Variants in KIAA1328 observed in about 807,000 individuals in gnomAD.
The protein encoded by KIAA1328 is KIAA1328.
Under a neutral mutation model 68.1 loss-of-function variants are expected in KIAA1328, and 52 were observed. That is an observed-to-expected ratio of 0.76 (90% CI 0.61 to 0.96). The LOEUF is 0.96. Ranked by LOEUF, KIAA1328 falls within the 40% of genes least tolerant of loss-of-function variation. The pLI is 0.00. For missense variants in KIAA1328, 641 were observed against 677.6 expected, an observed-to-expected ratio of 0.95 and a Z score of 0.60; for synonymous variants, 232 against 239.4, an observed-to-expected ratio of 0.97 and a Z score of 0.28.
chr18:36,846,724 C>G (rs2047041902), intron 4 of KIAA1328, among the ~76,000 whole-genome samples: 1 of 151,444 alleles, frequency 6.6e-6, no homozygotes, highest in South Asian at 2.1e-4. Flanking sequence ...ACAGTATATA[C>G]TCTTTTACTG....
intron 6 of KIAA1328, among the ~76,000 whole-genome samples, chr18:37,028,535 G>A (rs2054689904): frequency 6.7e-6 from 1 of 150,128 alleles, no homozygotes; most frequent in Admixed American, 6.7e-5. Flanking sequence ...TTGCCTGATT[G>A]CTCTGGCTAG....
At chr18:36,888,094 T>A (rs564550271) in intron 5 of KIAA1328, among the ~76,000 whole-genome samples, 38 of 152,320 alleles carry the variant, frequency 2.5e-4, no homozygotes, top group African/African-American at 7.0e-4. Flanking sequence ...GAATGGTTTC[T>A]TTTGTCAGGC....
At chr18:36,927,788 G>A (rs533898167) in intron 5 of KIAA1328, among the ~76,000 whole-genome samples, 1 of 150,828 alleles carries the variant, frequency 6.6e-6, no homozygotes, top group East Asian at 2.0e-4. Flanking sequence ...AAAGAAATGA[G>A]TGGGGTGGAA....
chr18:36,926,632 G>T (rs1311439358), intron 5 of KIAA1328, among the ~76,000 whole-genome samples: 1 of 152,046 alleles, frequency 6.6e-6, no homozygotes, highest in East Asian at 1.9e-4. Flanking sequence ...TAGAAGATAG[G>T]TATTAAGGTC....
Position 36,909,402 on chromosome 18 carries a change from C to T in KIAA1328, c.448+23730C>T, listed in dbSNP as rs148667282. On this transcript the variant is annotated intron_variant, in intron 5 of 9. Transcript: ENST00000280020. ...GTGGTGTTTGGTTTTTTTGTCCCTG[C>T]GATAGTTTGCTGAGAATGATGGTTT... Among the ~76,000 whole-genome samples, 348 of 151,746 alleles carry T rather than the reference C, an allele frequency of 2.3e-3. 2 individuals are homozygous for T. Among genetic ancestry groups the T allele is most frequent in the African/African-American group, 7.2e-3 (300 of 41,394 alleles).
chr18:36,841,012 C>T (rs962769137), intron 3 of KIAA1328, among the ~76,000 whole-genome samples: 3 of 152,092 alleles, frequency 2.0e-5, no homozygotes, highest in Non-Finnish European at 4.4e-5. Context: ...CTAGGAAGAA[C>T]CTCAGACTTC....
chr18:36,847,741 A>G (rs538495923), intron 4 of KIAA1328, among the ~76,000 whole-genome samples: 1 of 151,624 alleles, frequency 6.6e-6, no homozygotes, highest in African/African-American at 2.4e-5. Flanking sequence ...GGATCTTGAC[A>G]AAGTTCAGTT....
intron 5 of KIAA1328, chr18:36,902,185 C>T (rs1335152444): frequency 1.3e-5 from 2 of 151,774 alleles, no homozygotes. Flanking sequence ...TCCAGCCTCA[C>T]TTAGAAGTGA....
Position 37,074,471 on chromosome 18 carries a change from T to A in KIAA1328, c.1232+6926T>A, listed in dbSNP as rs1599164998. Among the ~76,000 whole-genome samples, 3 of 152,326 alleles carry A rather than the reference T, an allele frequency of 2.0e-5. No homozygotes were observed. The East Asian group carries it at 5.8e-4, about 29-fold the overall frequency. On this transcript the variant is annotated intron_variant, in intron 7 of 9. Transcript: ENST00000280020. Reference sequence around the variant, plus strand: ...TGGTCTTTTCACACAGTCCCATATTTCTTGGAGGCTTTGTTCATTTCCTTT... The same window carrying A: ...TGGTCTTTTCACACAGTCCCATATTACTTGGAGGCTTTGTTCATTTCCTTT...
At chr18:37,016,356 A>G (rs1040251083) in intron 6 of KIAA1328, among the ~76,000 whole-genome samples, 28 of 152,238 alleles carry the variant, frequency 1.8e-4, no homozygotes, top group Admixed American at 5.2e-4. Flanking sequence ...CTACTTGATC[A>G]TAGTGAATTA....
At chr18:36,966,772 C>T (rs2051956357) in intron 6 of KIAA1328, among the ~76,000 whole-genome samples, 1 of 152,084 alleles carries the variant, frequency 6.6e-6, no homozygotes, top group Non-Finnish European at 1.5e-5. Flanking sequence ...CTGAGAGAAA[C>T]TGAAGAACAT....
intron 6 of KIAA1328, among the ~76,000 whole-genome samples, chr18:36,991,830 T>G (rs1365178105): frequency 1.3e-5 from 2 of 152,072 alleles, no homozygotes; most frequent in Non-Finnish European, 2.9e-5. Flanking sequence ...TTACCCAGAG[T>G]GCAAAAATGG....
In KIAA1328 at chr18:37,119,862, C is replaced by T. The variant is rs554494967; in HGVS notation, c.1233-40338C>T. 5.3e-5 allele frequency among the ~76,000 whole-genome samples: 8 copies of T among 152,212 alleles called. No homozygotes were observed. In the South Asian group the frequency reaches 1.7e-3, roughly 32 times the overall value. On this transcript the variant is annotated intron_variant, in intron 7 of 9. Transcript: ENST00000280020. Reference sequence around the variant, plus strand: ...CAGTCATACCCAGTTGCAGTGAGTTCGCCTAGCACCCAGATACCAGTTTCT... The same window carrying T: ...CAGTCATACCCAGTTGCAGTGAGTTTGCCTAGCACCCAGATACCAGTTTCT...
chr18:37,188,547 G>A (rs759049874), intron 9 of KIAA1328, among the ~76,000 whole-genome samples: 23 of 152,286 alleles, frequency 1.5e-4, no homozygotes, highest in Non-Finnish European at 2.2e-4. Flanking sequence ...GGAGTTGCTG[G>A]GAATTGCTGT....
At chr18:37,022,470 C>T (rs2054385496) in intron 6 of KIAA1328, among the ~76,000 whole-genome samples, 1 of 152,072 alleles carries the variant, frequency 6.6e-6, no homozygotes, top group African/African-American at 2.4e-5. Flanking sequence ...CTACATGATC[C>T]TTTTGGAAAA....
chr18:36,951,792 C>T (rs1177631136), intron 5 of KIAA1328, among the ~76,000 whole-genome samples: 1 of 152,114 alleles, frequency 6.6e-6, no homozygotes, highest in Non-Finnish European at 1.5e-5. Context: ...CTTAAATGTC[C>T]CTTTTTAACC....
At chr18:37,226,715 CTTTT>C (rs763991741), downstream of KIAA1328, among the ~76,000 whole-genome samples, 21 of 128,682 alleles carry the variant, frequency 1.6e-4, no homozygotes, top group African/African-American at 5.6e-4. Context: ...GGGTTGTTCC[CTTTT>C]TTTTTTTTTT....
intron 4 of KIAA1328, among the ~76,000 whole-genome samples, chr18:36,881,025 T>C (rs8092344): frequency 0.27 from 40,322 of 151,968 alleles, 8,392 homozygotes; most frequent in African/African-American, 0.58. Flanking sequence ...GATTATAGTT[T>C]TTGTTTTTCA....
intron 8 of KIAA1328, 42 bp from the exon 9 acceptor site, chr18:37,172,931 T>C: frequency 4.1e-6 from 6 of 1,471,896 alleles, no homozygotes; most frequent in Non-Finnish European, 5.7e-6. Flanking sequence ...TTCCATTTTC[T>C]TTTACTGAAT....
Sources: allele counts gnomAD v4.1 joint callset (sites outside exome capture counted in the v4.1 genomes callset), GRCh38; gene constraint gnomAD v4.1.1; transcripts MANE v1.5; gene names NCBI Gene and HGNC (gene_info 2026-07-23, HGNC 2026-07-21).